The following DNAJC15 variants were observed in gnomAD, a reference collection of about 807,000 sequenced individuals.
DNAJC15 encodes the protein DnaJ heat shock protein family (Hsp40) member C15, also known as dnaJ homolog subfamily C member 15.
In DNAJC15, 27 loss-of-function variants were observed where a neutral mutation model predicts 22.4. That is an observed-to-expected ratio of 1.20 (90% CI 0.89 to 1.66). The LOEUF (loss-of-function observed/expected upper bound fraction) is 1.66, where lower values mean the gene tolerates loss of function less well. DNAJC15 is among the 40% of genes most tolerant of loss of function. The probability of loss-of-function intolerance (pLI) is 0.00; values close to 1 mark genes in which losing one functional copy is unlikely to be tolerated. For missense variants in DNAJC15, 208 were observed against 187.1 expected (o/e 1.11, Z -0.65); for synonymous variants, 79 against 63.2 (o/e 1.25, Z -1.19).
chr13:43,040,916 C>T (rs566310851), intron 1 of DNAJC15, among the ~76,000 whole-genome samples: 1 of 152,228 alleles, frequency 6.6e-6, no homozygotes, highest in Non-Finnish European at 1.5e-5. Context: ...CCTGTCCCAC[C>T]TCCAGCCCTA....
chr13:43,068,007 G>A lies in DNAJC15; in HGVS notation c.161-923G>A, dbSNP rs372090686. ...TCCTGTCTTTCACTGTAACATGTTT[G>A]CACAGAATAACAGTATACATAGGCA... On this transcript the variant is annotated intron_variant, in intron 2 of 5. Transcript: ENST00000379221. Among the ~76,000 whole-genome samples, 31 of 152,020 alleles carry A rather than the reference G, an allele frequency of 2.0e-4. 1 individual carries two copies. The highest frequency in any genetic ancestry group is 6.5e-4 in the African/African-American group (27 of 41,402).
chr13:43,058,243 C>T (rs1362239505), intron 1 of DNAJC15, among the ~76,000 whole-genome samples: 3 of 152,276 alleles, frequency 2.0e-5, no homozygotes, highest in Non-Finnish European at 4.4e-5. Flanking sequence ...TTCAAGAGAG[C>T]ATCAGCTGCA....
chr13:43,083,574 AT>A (rs1233689066), intron 4 of DNAJC15, among the ~76,000 whole-genome samples: 6 of 152,250 alleles, frequency 3.9e-5, no homozygotes, highest in Non-Finnish European at 8.8e-5. Flanking sequence ...GCTAGAAAAC[AT>A]AAGTAATAAA....
intron 1 of DNAJC15, among the ~76,000 whole-genome samples, chr13:43,024,330 T>C (rs572252153): frequency 7.3e-6 from 1 of 137,882 alleles, no homozygotes; most frequent in East Asian, 2.0e-4. Context: ...CACATACGTA[T>C]TTTTACGTTT....
Position 43,023,605 on chromosome 13 carries a change from T to A in DNAJC15, c.-22T>A, listed in dbSNP as rs767726482. 5.6e-6 allele frequency: 9 copies of A among 1,600,932 alleles called. 1 individual carries two copies. In the South Asian group the frequency reaches 7.8e-5, roughly 14 times the overall value. ...CCTCGTAGTCACTGCCGCGGCGCCTTGAGTCTCCGGGCCGCCTTGCCATGG... is the reference window on the plus strand; with the variant it reads ...CCTCGTAGTCACTGCCGCGGCGCCTAGAGTCTCCGGGCCGCCTTGCCATGG... On this transcript the variant is annotated 5_prime_UTR_variant, in exon 1 of 6. Transcript: ENST00000379221.
At chr13:43,059,360 A>G (rs573493744) in intron 1 of DNAJC15, among the ~76,000 whole-genome samples, 56 of 152,176 alleles carry the variant, frequency 3.7e-4, no homozygotes, top group African/African-American at 1.1e-3. Context: ...GAGCTCATAT[A>G]TTTATATTTC....
At chr13:43,056,032 A>G (rs1184658764) in intron 1 of DNAJC15, among the ~76,000 whole-genome samples, 3 of 151,524 alleles carry the variant, frequency 2.0e-5, no homozygotes, top group Admixed American at 6.6e-5. Flanking sequence ...TTTAATTTCT[A>G]TGTATTTGCA....
chr13:43,053,116 A>G (rs560122514), intron 1 of DNAJC15, among the ~76,000 whole-genome samples: 1 of 152,198 alleles, frequency 6.6e-6, no homozygotes, highest in Non-Finnish European at 1.5e-5. Flanking sequence ...ATTCTTCCAC[A>G]TGTGGCTTGC....
intron 1 of DNAJC15, among the ~76,000 whole-genome samples, chr13:43,056,113 T>G (rs1381608357): frequency 6.6e-6 from 1 of 152,074 alleles, no homozygotes; most frequent in Non-Finnish European, 1.5e-5. Flanking sequence ...GTACTTGATA[T>G]AATTTTGATT....
intron 2 of DNAJC15, among the ~76,000 whole-genome samples, chr13:43,066,415 G>A (rs2040584284): frequency 6.6e-6 from 1 of 151,892 alleles, no homozygotes; most frequent in Admixed American, 6.6e-5. Flanking sequence ...TCCAACCTCT[G>A]TCTGACTGTC....
intron 1 of DNAJC15, among the ~76,000 whole-genome samples, chr13:43,055,902 C>A (rs1451745231): frequency 6.6e-6 from 1 of 152,044 alleles, no homozygotes; most frequent in Non-Finnish European, 1.5e-5. Context: ...CTTAGCACTG[C>A]TTTTGTTTTA....
intron 5 of DNAJC15, among the ~76,000 whole-genome samples, chr13:43,094,835 T>G (rs755553977): frequency 2.0e-5 from 3 of 152,342 alleles, no homozygotes; most frequent in Non-Finnish European, 2.9e-5. Flanking sequence ...TTGCCCATAC[T>G]TCTAATTTCT....
chr13:43,101,545 AGTCTTTC>A (rs2040769179), intron 5 of DNAJC15, among the ~76,000 whole-genome samples: 1 of 152,154 alleles, frequency 6.6e-6, no homozygotes, highest in Non-Finnish European at 1.5e-5. Context: ...CCTAATGTGT[AGTCTTTC>A]GTCCCTCATC....
rs2040465169 is a variant in DNAJC15, at chr13:43,043,969, AG to A, written c.108+20238del. Among the ~76,000 whole-genome samples the A allele has an allele frequency of 5.3e-5, 8 of 152,312 alleles. No homozygotes were observed. In the South Asian group the frequency reaches 1.7e-3, roughly 32 times the overall value. On this transcript the variant is annotated intron_variant, in intron 1 of 5. Transcript: ENST00000379221. ...AAATTTATATTGGCTTGAAGATTTT[AG>A]GGCAGGATAATTTTATAAATTCTCG...
chr13:43,107,056 A>G, intron 5 of DNAJC15, 122 bp from the exon 6 acceptor site: 1 of 742,872 alleles, frequency 1.3e-6, no homozygotes, highest in Non-Finnish European at 1.9e-6. Context: ...AGCTTATAAA[A>G]TAATTTGTCA....
intron 5 of DNAJC15, among the ~76,000 whole-genome samples, chr13:43,092,366 T>C (rs566072111): frequency 6.6e-6 from 1 of 152,256 alleles, no homozygotes; most frequent in East Asian, 1.9e-4. Flanking sequence ...TTTGTATCTC[T>C]CTTGTTGGTT....
intron 1 of DNAJC15, among the ~76,000 whole-genome samples, chr13:43,065,337 G>C (rs933328899): frequency 6.6e-6 from 1 of 152,064 alleles, no homozygotes; most frequent in Non-Finnish European, 1.5e-5. Flanking sequence ...TATGGAGGAG[G>C]AAATATGTGC....
chr13:43,051,571 A>G (rs375563058), intron 1 of DNAJC15, among the ~76,000 whole-genome samples: 16 of 151,152 alleles, frequency 1.1e-4, no homozygotes, highest in African/African-American at 3.7e-4. Flanking sequence ...ATGGTCTCCA[A>G]CTCCATCCAG....
intron 1 of DNAJC15, among the ~76,000 whole-genome samples, chr13:43,050,459 C>G (rs1011045840): frequency 6.6e-6 from 1 of 151,982 alleles, no homozygotes; most frequent in Non-Finnish European, 1.5e-5. Context: ...GCACACCCAA[C>G]TAACTTTTCT....
Sources: allele counts gnomAD v4.1 joint callset (sites outside exome capture counted in the v4.1 genomes callset), GRCh38; gene constraint gnomAD v4.1.1; transcripts MANE v1.5; gene names NCBI Gene and HGNC (gene_info 2026-07-23, HGNC 2026-07-21).